The following RYR3 variants were observed in gnomAD, a reference collection of about 807,000 sequenced individuals.
RYR3 encodes ryanodine receptor 3.
Under a neutral mutation model 584.3 loss-of-function variants are expected in RYR3, and 207 were observed. The observed-to-expected ratio is 0.35, with a 90% CI of 0.32 to 0.40. The LOEUF (loss-of-function observed/expected upper bound fraction) is 0.40, where lower values mean the gene tolerates loss of function less well. Among genes scored for constraint, RYR3 ranks in the 10% least tolerant of loss-of-function variants. The probability of loss-of-function intolerance (pLI) is 1.00; values close to 1 mark genes in which losing one functional copy is unlikely to be tolerated. For synonymous variants in RYR3, 2,416 were observed against 2,248.5 expected, an observed-to-expected ratio of 1.07 and a Z score of -2.11; for missense variants, 5,616 against 6,089.2, an observed-to-expected ratio of 0.92 and a Z score of 2.59.
chr15:33,853,489 C>T, intron 95 of RYR3, 66 bp from the exon 96 acceptor site: 2 of 1,574,990 alleles, frequency 1.3e-6, no homozygotes, highest in South Asian at 2.4e-5. Context: ...CTCTGAAGAC[C>T]CCAGAGCTAG....
At chr15:33,577,090 TA>T (rs1323314044) in intron 12 of RYR3, among the ~76,000 whole-genome samples, 1 of 151,948 alleles carries the variant, frequency 6.6e-6, no homozygotes, top group Non-Finnish European at 1.5e-5. Flanking sequence ...AAGGAGAACT[TA>T]AAAAACACTC....
rs111708185 is a variant in RYR3, at chr15:33,669,531, A to C, written c.5722+75A>C. 1,195 of 1,286,814 alleles carry C rather than the reference A, an allele frequency of 9.3e-4. 6 individuals carry two copies. The highest frequency in any genetic ancestry group is 6.2e-3 in the African/African-American group (424 of 68,218). The allele number at this position is 1,286,814 out of a possible 1,614,324, so 79.7% of individuals were successfully genotyped here. A position where few individuals can be genotyped will look rare whatever the true frequency, so the allele number is the denominator to read the frequency against. On this transcript the variant is annotated intron_variant, in intron 37 of 103. Transcript: ENST00000634891. ...TTTTTGATTCCTTCATTAGAAAGCT[A>C]GTGGGAGGTTGGGAAGTTATTTTTG...
At chr15:33,619,922 G>A (rs2060634106) in intron 19 of RYR3, among the ~76,000 whole-genome samples, 1 of 152,120 alleles carries the variant, frequency 6.6e-6, no homozygotes. Context: ...CCCTTTTGTA[G>A]TTTTCTTAGC....
intron 1 of RYR3, among the ~76,000 whole-genome samples, chr15:33,332,615 A>G (rs1970495260): frequency 6.6e-6 from 1 of 152,114 alleles, no homozygotes; most frequent in South Asian, 2.1e-4. Flanking sequence ...TTACAGAACA[A>G]TTTAGATTAG....
chr15:33,510,243 T>C (rs954073760), intron 3 of RYR3, among the ~76,000 whole-genome samples: 1 of 152,192 alleles, frequency 6.6e-6, no homozygotes, highest in Non-Finnish European at 1.5e-5. Flanking sequence ...AAATTTAACT[T>C]CAAGCAAATA....
At position 33,347,490 on chromosome 15, in the gene RYR3, A is replaced by G. The variant is rs977773871; in HGVS notation, c.51+36394A>G. On this transcript the variant is annotated intron_variant, in intron 1 of 103. Coordinates refer to ENST00000634891, the MANE Select transcript of RYR3 (RefSeq NM_001036.6). The stretch of plus-strand genomic sequence containing the variant: ...GAGACGGAGTCTTGCTCTGTCGCCC[A>G]GGCTGGAGTGCAGTGGTGCTATCTC... Among the ~76,000 whole-genome samples, 3 of 148,186 alleles carry G rather than the reference A, an allele frequency of 2.0e-5. No homozygotes were observed. The South Asian group carries it at 6.4e-4, about 32-fold the overall frequency.
intron 42 of RYR3, among the ~76,000 whole-genome samples, chr15:33,701,529 T>C (rs1156301969): frequency 2.6e-5 from 4 of 152,136 alleles, no homozygotes; most frequent in Non-Finnish European, 5.9e-5. Flanking sequence ...GTGGTGGAGC[T>C]GGTTGAGGCG....
intron 103 of RYR3, chr15:33,864,802 G>C (rs533339628): frequency 4.0e-5 from 10 of 250,720 alleles, no homozygotes; most frequent in South Asian, 2.8e-4. Context: ...GTTCCCTCAA[G>C]CATTCCTCCG....
At chr15:33,343,663 C>G (rs1972095476) in intron 1 of RYR3, among the ~76,000 whole-genome samples, 1 of 152,134 alleles carries the variant, frequency 6.6e-6, no homozygotes, top group Non-Finnish European at 1.5e-5. Flanking sequence ...AGCATTATTT[C>G]TTGTCTACAC....
chr15:33,669,275 GTGTC>G (rs1286736484), intron 36 of RYR3, 75 bp from the exon 37 acceptor site: 3 of 1,023,042 alleles, frequency 2.9e-6, no homozygotes, highest in Non-Finnish European at 4.4e-6. Flanking sequence ...AAGAATGTAA[GTGTC>G]TGTCTAAGGC....
intron 38 of RYR3, among the ~76,000 whole-genome samples, chr15:33,678,302 A>G (rs1175370561): frequency 6.6e-6 from 1 of 152,156 alleles, no homozygotes; most frequent in Non-Finnish European, 1.5e-5. Flanking sequence ...GACTTCCCCC[A>G]TGCTGTTCTC....
chr15:33,518,081 G>C (rs983610982), intron 3 of RYR3, among the ~76,000 whole-genome samples: 3 of 152,186 alleles, frequency 2.0e-5, no homozygotes, highest in Non-Finnish European at 2.9e-5. Context: ...AGAGTTTCCA[G>C]TGATTTATAT....
chr15:33,790,039 T>C (rs568580396), intron 67 of RYR3, among the ~76,000 whole-genome samples: 3 of 121,110 alleles, frequency 2.5e-5, no homozygotes, highest in Non-Finnish European at 4.9e-5. Flanking sequence ...TCACCCAGGC[T>C]GGAGTGCAGT....
At chr15:33,719,055 T>C (rs2067706653) in intron 43 of RYR3, among the ~76,000 whole-genome samples, 1 of 152,206 alleles carries the variant, frequency 6.6e-6, no homozygotes, top group Non-Finnish European at 1.5e-5. Flanking sequence ...AGGAAGAGAC[T>C]GTCTCTCCCT....
chr15:33,840,667 A>T (rs529875856), intron 89 of RYR3, 158 bp from the exon 90 acceptor site: 1 of 657,086 alleles, frequency 1.5e-6, no homozygotes, highest in Non-Finnish European at 2.7e-6. Context: ...GTCACTTGAC[A>T]TATATAGCAG....
chr15:33,732,164 G>A (rs377526980), intron 48 of RYR3, among the ~76,000 whole-genome samples: 37 of 151,774 alleles, frequency 2.4e-4, no homozygotes, highest in East Asian at 1.4e-3. Flanking sequence ...GGCAGATCAC[G>A]AGGTCAGGAG....
At chr15:33,793,023 GC>G in intron 67 of RYR3, among the ~76,000 whole-genome samples, 1 of 152,266 alleles carries the variant, frequency 6.6e-6, no homozygotes. Flanking sequence ...TCACACTTCT[GC>G]CCAGCGAACT....
At chr15:33,818,447 T>G (rs919742344) in intron 75 of RYR3, 131 bp from the exon 76 acceptor site, 1 of 643,738 alleles carries the variant, frequency 1.6e-6, no homozygotes, top group East Asian at 2.8e-5. Flanking sequence ...ATACATGACG[T>G]AGTGGTTTTG....
rs78173988 is a variant in RYR3, at chr15:33,666,807, C to T, written c.5620-2547C>T. The stretch of plus-strand genomic sequence containing the variant: ...AGCTGGCCTTTCACTTCCAAGAGGA[C>T]GTTATTAAAGGGCATGACCTGCAGT... On this transcript the variant is annotated intron_variant, in intron 36 of 103. Transcript: ENST00000634891. 1.5e-4 allele frequency among the ~76,000 whole-genome samples: 23 copies of T among 152,264 alleles called. No individual in the cohort carries two copies. The East Asian group carries it at 3.3e-3, about 22-fold the overall frequency.
Sources: allele counts gnomAD v4.1 joint callset (sites outside exome capture counted in the v4.1 genomes callset), GRCh38; gene constraint gnomAD v4.1.1; transcripts MANE v1.5; gene names NCBI Gene and HGNC (gene_info 2026-07-23, HGNC 2026-07-21).